The following CFAP54 variants were observed in gnomAD, a reference collection of about 807,000 sequenced individuals.
CFAP54 encodes cilia and flagella associated protein 54.
A neutral mutation model predicts 370.4 loss-of-function variants in CFAP54; 290 were observed. The observed-to-expected ratio is 0.78, with a 90% CI of 0.71 to 0.86. The LOEUF is 0.86. CFAP54 is among the 40% of genes least tolerant of loss of function. CFAP54 has a pLI of 0.00. For synonymous variants in CFAP54, 1,206 were observed against 1,236.5 expected, an observed-to-expected ratio of 0.98 and a Z score of 0.52; for missense variants, 3,399 against 3,528.7, an observed-to-expected ratio of 0.96 and a Z score of 0.93.
At chr12:96,824,263 T>G (rs1367496647) in intron 65 of CFAP54, among the ~76,000 whole-genome samples, 1 of 152,132 alleles carries the variant, frequency 6.6e-6, no homozygotes, top group Non-Finnish European at 1.5e-5. Flanking sequence ...GTCAGCCAAT[T>G]TCAGAACATG....
intron 65 of CFAP54, among the ~76,000 whole-genome samples, chr12:96,819,842 C>A (rs182097655): frequency 1.3e-5 from 2 of 152,276 alleles, no homozygotes; most frequent in Non-Finnish European, 2.9e-5. Flanking sequence ...GAGCCTCCCA[C>A]CCTCCTGTTG....
At chr12:96,726,732 C>T (rs1303996533) in intron 50 of CFAP54, among the ~76,000 whole-genome samples, 9 of 152,148 alleles carry the variant, frequency 5.9e-5, no homozygotes, top group Middle Eastern at 6.8e-3. Flanking sequence ...TGAATGTGTT[C>T]ACTCTTGCTT....
intron 14 of CFAP54, among the ~76,000 whole-genome samples, chr12:96,546,356 G>A (rs1955639891): frequency 6.6e-6 from 1 of 152,132 alleles, no homozygotes; most frequent in African/African-American, 2.4e-5. Context: ...GGGAAAAATA[G>A]TTTGTTTTTT....
In CFAP54 at chr12:96,522,177, G is replaced by A. The variant is rs757354860; in HGVS notation, c.1146G>A (p.Arg382=). 179 of 1,529,668 alleles carry A rather than the reference G, an allele frequency of 1.2e-4. No individual in the cohort carries two copies. Among genetic ancestry groups the A allele is most frequent in the Middle Eastern group, 9.2e-4 (5 of 5,448 alleles). 94.8% of individuals were successfully genotyped at this position (1,529,668 alleles called of 1,614,324 possible). A position where few individuals can be genotyped will look rare whatever the true frequency, so the allele number is the denominator to read the frequency against. ...VFRPKIRINL[R]EVQTLSWPRT... is the part of the protein sequence containing the mutation. ...GACCTAAGATAAGAATTAACCTAAG[G>A]GAAGTACAAACTGTAAGTCTAAACA... Residue 382 remains arginine (R), a synonymous_variant, in exon 8 of 68, where the codon AGG becomes AGA. Transcript: ENST00000524981.
intron 19 of CFAP54, among the ~76,000 whole-genome samples, chr12:96,567,805 C>T (rs575469519): frequency 1.6e-4 from 24 of 152,104 alleles, no homozygotes; most frequent in African/African-American, 4.6e-4. Flanking sequence ...GGGAACATAC[C>T]GGGACTGAGA....
intron 45 of CFAP54, among the ~76,000 whole-genome samples, chr12:96,696,485 CTT>C (rs573734056): frequency 6.6e-6 from 1 of 151,156 alleles, no homozygotes; most frequent in Non-Finnish European, 1.5e-5. Flanking sequence ...GGCTAGATGA[CTT>C]TTTTTTTAAT....
rs200232464 is a variant in CFAP54, at chr12:96,539,074, T to TTG, written c.1926+557_1926+558insGT. ...GCCCGGCCTTTTCAGGTTTTTTTTT[T>TTG]TTTGTTTTTGTTTTTGAGATGGAGT... is the stretch of plus-strand genomic sequence containing the variant. On this transcript the variant is annotated intron_variant, in intron 13 of 67. Transcript: ENST00000524981. Among the ~76,000 whole-genome samples, 1,007 of 138,354 alleles carry TTG rather than the reference T, an allele frequency of 7.3e-3. 50 individuals carry two copies. Among genetic ancestry groups the TTG allele is most frequent in the East Asian group, 0.058 (270 of 4,676 alleles). The allele number at this position is 138,354 out of a possible 152,430, so 90.8% of individuals were successfully genotyped here.
intron 8 of CFAP54, among the ~76,000 whole-genome samples, 164 bp from the exon 9 acceptor site, chr12:96,527,082 A>G (rs1955390872): frequency 6.6e-6 from 1 of 151,798 alleles, no homozygotes; most frequent in Non-Finnish European, 1.5e-5. Flanking sequence ...TTTTTTGTTG[A>G]AATGGGGGTC....
chr12:96,727,577 CAT>C (rs1957858889), intron 50 of CFAP54, among the ~76,000 whole-genome samples: 2 of 150,680 alleles, frequency 1.3e-5, no homozygotes, highest in Non-Finnish European at 2.9e-5. Flanking sequence ...TGTCTCTGCA[CAT>C]GAGATGGGTT....
chr12:96,534,081 C>A lies in CFAP54; in HGVS notation c.1559C>A (p.Ser520Ter). The A allele has an allele frequency of 6.6e-7, 1 of 1,526,538 alleles. No individual in the cohort carries two copies. Among genetic ancestry groups the A allele is most frequent in the South Asian group, 1.2e-5 (1 of 81,728 alleles). 94.6% of individuals were successfully genotyped at this position (1,526,538 alleles called of 1,614,324 possible). Residue 520 changes from serine to a stop codon, truncating the protein, a stop_gained, in exon 11 of 68, where the codon TCA (serine) becomes TAA (stop). Transcript: ENST00000524981. LOFTEE classifies it high-confidence loss of function. ...YFLQRQDDPE[S>*]KKAEKDLTLL... ...CCCAAGAGGCAGGATGATCCAGAGT[C>A]AAAGAAAGCAGAGAAGGATTTAACT...
intron 47 of CFAP54, 101 bp from the exon 48 acceptor site, chr12:96,708,507 C>A (rs890566614): frequency 1.0e-6 from 1 of 983,442 alleles, no homozygotes; most frequent in East Asian, 2.6e-5. Context: ...GCCCTATATC[C>A]CTTCATCCAA....
chr12:96,711,691 C>A (rs1436623331), intron 48 of CFAP54, among the ~76,000 whole-genome samples: 2 of 152,132 alleles, frequency 1.3e-5, no homozygotes, highest in Non-Finnish European at 2.9e-5. Context: ...TGCTGTATGA[C>A]CTTAGAATCA....
intron 37 of CFAP54, 43 bp downstream of exon 37, chr12:96,658,148 TG>T (rs759413333): frequency 2.1e-6 from 3 of 1,431,532 alleles, no homozygotes; most frequent in South Asian, 1.3e-5. Flanking sequence ...AAGACTTCAT[TG>T]AAAAAAAAAA....
At chr12:96,747,377 T>A (rs1214599503) in intron 55 of CFAP54, among the ~76,000 whole-genome samples, 1 of 152,168 alleles carries the variant, frequency 6.6e-6, no homozygotes, top group Admixed American at 6.6e-5. Flanking sequence ...TCTTTTTGCT[T>A]CTCTCTCTCC....
At chr12:96,531,487 TA>T (rs78475756) in intron 9 of CFAP54, among the ~76,000 whole-genome samples, 17,869 of 150,688 alleles carry the variant, frequency 0.12, 1,590 homozygotes, top group East Asian at 0.45. Context: ...ATTCATTATT[TA>T]AAAAAAAAAT....
At chr12:96,682,119 A>G (rs762061543) in intron 40 of CFAP54, 154 of 934,972 alleles carry the variant, frequency 1.6e-4, no homozygotes, top group Middle Eastern at 5.5e-4. Flanking sequence ...TTGATTTATT[A>G]TTATTATTTT....
intron 56 of CFAP54, among the ~76,000 whole-genome samples, chr12:96,756,141 T>G (rs1446111763): frequency 1.3e-5 from 2 of 152,040 alleles, no homozygotes; most frequent in Non-Finnish European, 2.9e-5. Flanking sequence ...AAAGGGAATG[T>G]AAGATACAGG....
At chr12:96,846,749 G>C (rs1249164480) in intron 66 of CFAP54, among the ~76,000 whole-genome samples, 3 of 152,138 alleles carry the variant, frequency 2.0e-5, no homozygotes, top group African/African-American at 7.2e-5. Context: ...GGTATGAAGG[G>C]CTGTGCGTGC....
Position 96,743,448 on chromosome 12 carries a change from G to A in CFAP54, c.7266G>A (p.Met2422Ile). 6.2e-7 allele frequency: 1 copy of A among 1,614,066 alleles called. No homozygotes were observed. Among genetic ancestry groups the A allele is most frequent in the Non-Finnish European group, 8.5e-7 (1 of 1,179,948 alleles). The change falls in exon 53 of 68, where the codon ATG becomes ATA. Residue 2422 changes from methionine to isoleucine, a missense_variant. By Grantham distance (10) the Met-to-Ile change is conservative. Coordinates refer to ENST00000524981, the MANE Select transcript of CFAP54 (RefSeq NM_001306084.2). ...DCLSLINEVC[M>I]EAKSAGDTEL... is the part of the protein sequence containing the mutation. ...TGAGCCTCATCAATGAAGTGTGTAT[G>A]GAGGCAAAAAGCGCAGGGGACACGG...
Sources: gnomAD v4.1 joint callset for allele counts (sites outside exome capture counted in the v4.1 genomes callset) on GRCh38, gnomAD v4.1.1 for gene constraint, MANE v1.5 for transcripts, NCBI Gene and HGNC (gene_info 2026-07-23, HGNC 2026-07-21) for gene names.